MTMR12: variants seen among roughly 807,000 people sequenced by gnomAD.
MTMR12 encodes myotubularin-related protein 12.
In MTMR12, 33 loss-of-function variants were observed where a neutral mutation model predicts 96.7. The ratio of observed to expected loss-of-function variants is 0.34; its 90% CI spans 0.26 to 0.46. The LOEUF is 0.46. Among genes scored for constraint, MTMR12 ranks in the 20% least tolerant of loss-of-function variants. The pLI is 1.00. For missense variants in MTMR12, 721 were observed against 896.1 expected (o/e 0.80, Z 2.49); for synonymous variants, 298 against 327.2 (o/e 0.91, Z 0.96).
chr5:32,277,133 C>T (rs556878620), intron 1 of MTMR12, among the ~76,000 whole-genome samples: 3 of 151,828 alleles, frequency 2.0e-5, no homozygotes, highest in Non-Finnish European at 2.9e-5. Flanking sequence ...GATCTGCCCG[C>T]GTCAGCCTCC....
intron 4 of MTMR12, 48 bp downstream of exon 4, chr5:32,271,785 C>T (rs1561781002): frequency 8.8e-7 from 1 of 1,131,426 alleles, no homozygotes; most frequent in East Asian, 2.7e-5. Flanking sequence ...TCATTATCAC[C>T]TATACTCTCA....
At chr5:32,311,896 A>G (rs1751612462) in intron 1 of MTMR12, among the ~76,000 whole-genome samples, 1 of 152,052 alleles carries the variant, frequency 6.6e-6, no homozygotes, top group African/African-American at 2.4e-5. Flanking sequence ...GAGGAAAAAG[A>G]TTTCTTTTCT....
chr5:32,285,357 CAAAAA>C (rs35792337), intron 1 of MTMR12, among the ~76,000 whole-genome samples: 1 of 109,688 alleles, frequency 9.1e-6, no homozygotes, highest in Non-Finnish European at 1.9e-5. Flanking sequence ...GATTCCATTT[CAAAAA>C]AAAAAAAAAA....
intron 1 of MTMR12, among the ~76,000 whole-genome samples, chr5:32,283,691 G>T (rs565668792): frequency 1.3e-5 from 2 of 152,292 alleles, no homozygotes; most frequent in East Asian, 3.8e-4. Flanking sequence ...AGGTAAAAGC[G>T]AGCAACACAA....
At chr5:32,244,506 G>C (rs1303336802) in intron 10 of MTMR12, among the ~76,000 whole-genome samples, 1 of 152,156 alleles carries the variant, frequency 6.6e-6, no homozygotes, top group Non-Finnish European at 1.5e-5. Context: ...CAGGAGAATT[G>C]CTTGAACCAG....
intron 14 of MTMR12, among the ~76,000 whole-genome samples, chr5:32,234,382 C>G (rs1748123405): frequency 6.6e-6 from 1 of 152,078 alleles, no homozygotes; most frequent in African/African-American, 2.4e-5. Context: ...TGCTCAGAAG[C>G]ACTGAGATTA....
At chr5:32,255,565 A>G (rs1749103277) in intron 8 of MTMR12, 128 bp downstream of exon 8, 3 of 838,784 alleles carry the variant, frequency 3.6e-6, no homozygotes, top group Non-Finnish European at 5.5e-6. Flanking sequence ...AGTCCCTAAG[A>G]TATTTCTGGA....
At chr5:32,235,645 C>A (rs1194129695) in intron 13 of MTMR12, among the ~76,000 whole-genome samples, 1 of 152,198 alleles carries the variant, frequency 6.6e-6, no homozygotes, top group Non-Finnish European at 1.5e-5. Flanking sequence ...GAAGGAGAAG[C>A]CTCCTGTCCA....
At chr5:32,237,506 T>C (rs946066528) in intron 13 of MTMR12, among the ~76,000 whole-genome samples, 3 of 144,978 alleles carry the variant, frequency 2.1e-5, no homozygotes, top group African/African-American at 7.5e-5. Flanking sequence ...AACATAACCC[T>C]GTGCTTTCTT....
intron 1 of MTMR12, among the ~76,000 whole-genome samples, chr5:32,289,535 T>C (rs1426204069): frequency 6.6e-6 from 1 of 152,110 alleles, no homozygotes; most frequent in South Asian, 2.1e-4. Context: ...GATCAGACAT[T>C]TGGACTAATG....
chr5:32,235,519 A>C (rs1420863867), intron 13 of MTMR12, among the ~76,000 whole-genome samples: 1 of 152,154 alleles, frequency 6.6e-6, no homozygotes, highest in African/African-American at 2.4e-5. Context: ...AATGTACTTA[A>C]TTATGAGTGC....
chr5:32,259,919 CCA>C (rs201978884), intron 7 of MTMR12, among the ~76,000 whole-genome samples: 2,339 of 151,980 alleles, frequency 0.015, 30 homozygotes, highest in Non-Finnish European at 0.024. Context: ...GCCTGTAATC[CCA>C]GATACTTGGG....
intron 7 of MTMR12, among the ~76,000 whole-genome samples, chr5:32,258,932 C>T (rs1424437570): frequency 1.4e-5 from 2 of 147,442 alleles, no homozygotes; most frequent in Non-Finnish European, 3.0e-5. Context: ...AAAGTCAGAA[C>T]CAAATGTATT....
At chr5:32,232,172 CCCA>C (rs571431944) in intron 15 of MTMR12, among the ~76,000 whole-genome samples, 350 of 152,334 alleles carry the variant, frequency 2.3e-3, no homozygotes, top group African/African-American at 8.2e-3. Flanking sequence ...ATGGGTCCCC[CCCA>C]CCGTGTGGCA....
At chr5:32,272,718 C>T (rs777940536) in intron 3 of MTMR12, among the ~76,000 whole-genome samples, 1 of 152,166 alleles carries the variant, frequency 6.6e-6, no homozygotes, top group African/African-American at 2.4e-5. Flanking sequence ...GGCAAACCCA[C>T]CATGCCACAC....
chr5:32,285,131 G>A lies in MTMR12; in HGVS notation c.82-8389C>T, dbSNP rs147061355. On this transcript the variant is annotated intron_variant, in intron 1 of 15. Coordinates refer to ENST00000382142, the MANE Select transcript of MTMR12 (RefSeq NM_001040446.3). ...CCAGCACTTTGGGAGGCCGAGGTAG[G>A]TGGATCACTTGAGGTCAGGAGTTTG... is the stretch of plus-strand genomic sequence containing the variant. Among the ~76,000 whole-genome samples the A allele has an allele frequency of 4.9e-4, 75 of 152,206 alleles. 1 individual carries two copies. The highest frequency in any genetic ancestry group is 3.4e-3 in the Middle Eastern group (1 of 294).
chr5:32,259,746 G>A (rs1458698843), intron 7 of MTMR12, among the ~76,000 whole-genome samples: 1 of 152,238 alleles, frequency 6.6e-6, no homozygotes, highest in South Asian at 2.1e-4. Context: ...AACTTAAGTG[G>A]TACCTGGGGC....
chr5:32,261,868 C>A (rs548819009), intron 7 of MTMR12, among the ~76,000 whole-genome samples: 2 of 152,290 alleles, frequency 1.3e-5, no homozygotes, highest in East Asian at 3.9e-4. Context: ...GTCAGGAGAT[C>A]AAGACCATCC....
At chr5:32,237,618 C>A (rs1015656104) in intron 13 of MTMR12, among the ~76,000 whole-genome samples, 4 of 151,986 alleles carry the variant, frequency 2.6e-5, no homozygotes, top group African/African-American at 9.7e-5. Flanking sequence ...TTAAGTGATT[C>A]TCCTGCCTCA....
Sources: allele counts gnomAD v4.1 joint callset (sites outside exome capture counted in the v4.1 genomes callset), GRCh38; gene constraint gnomAD v4.1.1; transcripts MANE v1.5; gene names NCBI Gene and HGNC (gene_info 2026-07-23, HGNC 2026-07-21).